OSBP2: variants seen among roughly 807,000 people sequenced by gnomAD.
OSBP2 encodes oxysterol binding protein 2, also known as oxysterol-binding protein 2.
In OSBP2, 66 loss-of-function variants were observed where a neutral mutation model predicts 96.0. The observed-to-expected ratio is 0.69, with a 90% CI of 0.56 to 0.84. The LOEUF is 0.84. Among genes scored for constraint, OSBP2 ranks in the 40% least tolerant of loss-of-function variants. The pLI is 0.00. For missense variants in OSBP2, 1,038 were observed against 1,222.7 expected, an observed-to-expected ratio of 0.85 and a Z score of 2.25; for synonymous variants, 525 against 520.9, an observed-to-expected ratio of 1.01 and a Z score of -0.11.
At chr22:30,797,592 T>A (rs1424029696) in intron 2 of OSBP2, among the ~76,000 whole-genome samples, 1 of 133,566 alleles carries the variant, frequency 7.5e-6, no homozygotes, top group Admixed American at 7.5e-5. Context: ...CTATTTATTT[T>A]TATTTAACTA....
At chr22:30,749,019 G>C (rs2090041130) in intron 2 of OSBP2, among the ~76,000 whole-genome samples, 1 of 152,190 alleles carries the variant, frequency 6.6e-6, no homozygotes, top group Non-Finnish European at 1.5e-5. Flanking sequence ...GGGAGGCCGA[G>C]GCAGGAGAAT....
intron 1 of OSBP2, among the ~76,000 whole-genome samples, chr22:30,725,237 G>T (rs544846944): frequency 1.3e-5 from 2 of 151,424 alleles, no homozygotes; most frequent in Admixed American, 1.3e-4. Context: ...GGGTGCAGTG[G>T]CTCAGGCCTG....
chr22:30,816,125 T>A (rs1211500791), intron 2 of OSBP2, among the ~76,000 whole-genome samples: 1 of 151,254 alleles, frequency 6.6e-6, no homozygotes, highest in Non-Finnish European at 1.5e-5. Context: ...ATTAAATAAT[T>A]AAAAAAAAAT....
intron 2 of OSBP2, among the ~76,000 whole-genome samples, chr22:30,835,964 C>T (rs1244469215): frequency 6.6e-6 from 1 of 152,148 alleles, no homozygotes; most frequent in East Asian, 1.9e-4. Context: ...AGTGCTCCTC[C>T]TGCCTTGGCC....
chr22:30,695,156 G>A lies in OSBP2; in HGVS notation c.247G>A (p.Val83Met), dbSNP rs760964281. 6 of 1,610,308 alleles carry A rather than the reference G, an allele frequency of 3.7e-6. No homozygotes were observed. In the South Asian group the frequency reaches 4.4e-5, roughly 12 times the overall value. ...VSEAVPRSEP[V>M]SETTSEPEPG... Reference sequence around the variant, plus strand: ...GGAGGCAGTGCCAAGATCGGAACCTGTGTCCGAGACGACGTCTGAGCCGGA... The same window carrying A: ...GGAGGCAGTGCCAAGATCGGAACCTATGTCCGAGACGACGTCTGAGCCGGA... Residue 83 changes from valine (V) to methionine (M), a missense_variant, in exon 1 of 14, where the codon GTG becomes ATG. Physicochemically the swap from Val to Met is conservative, Grantham distance 21 (BLOSUM62 1). Coordinates refer to ENST00000332585, the MANE Select transcript of OSBP2 (RefSeq NM_030758.4).
At chr22:30,895,731 G>A (rs1028805488) in intron 12 of OSBP2, among the ~76,000 whole-genome samples, 1 of 151,990 alleles carries the variant, frequency 6.6e-6, no homozygotes, top group Non-Finnish European at 1.5e-5. Context: ...TTGAGGTTAG[G>A]AGTTCAAGAC....
intron 2 of OSBP2, among the ~76,000 whole-genome samples, chr22:30,858,127 T>G (rs574232689): frequency 6.3e-4 from 83 of 131,834 alleles, no homozygotes; most frequent in East Asian, 1.1e-3. Context: ...TTTGTTTTTT[T>G]TTTGTTTGTT....
At chr22:30,802,828 AG>A (rs1263069919) in intron 2 of OSBP2, among the ~76,000 whole-genome samples, 3 of 152,220 alleles carry the variant, frequency 2.0e-5, no homozygotes, top group Non-Finnish European at 4.4e-5. Flanking sequence ...ATGAGGACGC[AG>A]CACGGCGCGC....
chr22:30,740,333 C>G (rs183326547), intron 1 of OSBP2, among the ~76,000 whole-genome samples: 106 of 152,260 alleles, frequency 7.0e-4, no homozygotes, highest in Admixed American at 1.3e-3. Flanking sequence ...GCTGATCCAT[C>G]AAGTGCAGGG....
At chr22:30,863,741 G>A (rs2039273383) in intron 2 of OSBP2, among the ~76,000 whole-genome samples, 1 of 152,188 alleles carries the variant, frequency 6.6e-6, no homozygotes, top group African/African-American at 2.4e-5. Flanking sequence ...GTGGGCCCGA[G>A]GGAGGTCCAC....
intron 1 of OSBP2, among the ~76,000 whole-genome samples, chr22:30,730,122 C>G (rs1397004989): frequency 2.0e-5 from 3 of 151,992 alleles, no homozygotes; most frequent in African/African-American, 7.2e-5. Flanking sequence ...GCCACCATGC[C>G]TGACTAATTT....
rs1014943669 is a variant in OSBP2 at position 30,772,095 on chromosome 22, C to T, written c.853+30726C>T. ...GAATCAGGCCAGAGACAAGCCCCTG[C>T]GGCAGGCTCTGCTCTGACCTTGCAG... On this transcript the variant is annotated intron_variant, in intron 2 of 13. Transcript: ENST00000332585. Among the ~76,000 whole-genome samples the T allele has an allele frequency of 4.6e-5, 7 of 152,202 alleles. No individual in the cohort carries two copies. In the South Asian group the frequency reaches 6.2e-4, roughly 13 times the overall value.
At chr22:30,742,914 A>G in intron 2 of OSBP2, among the ~76,000 whole-genome samples, 1 of 152,226 alleles carries the variant, frequency 6.6e-6, no homozygotes, top group East Asian at 1.9e-4. Flanking sequence ...GGTATTGTCA[A>G]ACTGCCTTCC....
intron 2 of OSBP2, among the ~76,000 whole-genome samples, chr22:30,826,395 A>T (rs1047214585): frequency 6.6e-5 from 10 of 152,116 alleles, no homozygotes; most frequent in Non-Finnish European, 1.5e-4. Flanking sequence ...GCCTCATAGC[A>T]TGCCCAGTCC....
chr22:30,722,751 C>CTCTTTCTTTT (rs1791187053), intron 1 of OSBP2, among the ~76,000 whole-genome samples: 1 of 138,874 alleles, frequency 7.2e-6, no homozygotes, highest in South Asian at 2.2e-4. Flanking sequence ...CTCTTTCTCT[C>CTCTTTCTTTT]TCTTTCTTTT....
intron 1 of OSBP2, among the ~76,000 whole-genome samples, chr22:30,728,349 C>A (rs780041227): frequency 6.7e-6 from 1 of 149,416 alleles, no homozygotes; most frequent in South Asian, 2.1e-4. Context: ...GAGCCAAGAT[C>A]GCGCCACTGC....
At chr22:30,863,231 T>G (rs1406933254) in intron 2 of OSBP2, among the ~76,000 whole-genome samples, 2 of 152,284 alleles carry the variant, frequency 1.3e-5, no homozygotes, top group African/African-American at 4.8e-5. Context: ...TCTGGCCGAT[T>G]GGATTTTGTG....
Position 30,784,259 on chromosome 22 carries a change from A to ATTTATTTATTTATTTATTT in OSBP2, c.853+42890_853+42891insTTTATTTATTTATTTATTT, listed in dbSNP as rs572271481. Among the ~76,000 whole-genome samples the ATTTATTTATTTATTTATTT allele has an allele frequency of 3.5e-3, 516 of 148,880 alleles. 3 individuals are homozygous for ATTTATTTATTTATTTATTT. Among genetic ancestry groups the ATTTATTTATTTATTTATTT allele is most frequent in the African/African-American group, 0.013 (499 of 38,668 alleles). The stretch of plus-strand genomic sequence containing the variant: ...AGTGTGATTTATTTATTTATTTATT[A>ATTTATTTATTTATTTATTT]ATTTATTTATTATTTTGAGACAGGG... On this transcript the variant is annotated intron_variant, in intron 2 of 13. Coordinates refer to ENST00000332585, the MANE Select transcript of OSBP2 (RefSeq NM_030758.4).
At chr22:30,751,520 A>G (rs192519136) in intron 2 of OSBP2, among the ~76,000 whole-genome samples, 111 of 151,846 alleles carry the variant, frequency 7.3e-4, no homozygotes, top group Middle Eastern at 3.4e-3. Flanking sequence ...ACGCCTGGCT[A>G]GTTTTTGTAT....
Sources: allele counts gnomAD v4.1 joint callset (sites outside exome capture counted in the v4.1 genomes callset), GRCh38; gene constraint gnomAD v4.1.1; transcripts MANE v1.5; gene names NCBI Gene and HGNC (gene_info 2026-07-23, HGNC 2026-07-21).